Variants in PLCE1 observed in about 807,000 individuals in gnomAD.
PLCE1 encodes 1-phosphatidylinositol 4,5-bisphosphate phosphodiesterase epsilon-1.
PLCE1 carries 119 observed loss-of-function variants against 242.8 expected under a neutral mutation model. The observed-to-expected ratio is 0.49, with a 90% CI of 0.42 to 0.57. The LOEUF is 0.57. PLCE1 is among the 20% of genes least tolerant of loss of function. PLCE1 has a pLI of 0.00. For missense variants in PLCE1, 2,441 were observed against 2,788.8 expected (o/e 0.88, Z 2.81); for synonymous variants, 945 against 1,017.4 (o/e 0.93, Z 1.35).
At chr10:94,080,850 A>T (rs1182395254) in intron 2 of PLCE1, among the ~76,000 whole-genome samples, 1 of 152,244 alleles carries the variant, frequency 6.6e-6, no homozygotes, top group Non-Finnish European at 1.5e-5. Flanking sequence ...ACAAATAGCC[A>T]TGTACCACTG....
chr10:94,136,010 A>G (rs2046760102), intron 3 of PLCE1, among the ~76,000 whole-genome samples: 1 of 152,222 alleles, frequency 6.6e-6, no homozygotes, highest in Admixed American at 6.5e-5. Context: ...GAGGTAGCAC[A>G]AGATTTAAAT....
intron 19 of PLCE1, among the ~76,000 whole-genome samples, chr10:94,275,330 A>T (rs2051903140): frequency 6.6e-6 from 1 of 152,162 alleles, no homozygotes; most frequent in African/African-American, 2.4e-5. Context: ...TCCTGACAGG[A>T]TATGGTTGCT....
chr10:94,318,366 T>G (rs748753925), intron 29 of PLCE1, among the ~76,000 whole-genome samples: 1 of 152,240 alleles, frequency 6.6e-6, no homozygotes, highest in East Asian at 1.9e-4. Context: ...GTAAAAAGTA[T>G]GTATCCTCTA....
chr10:94,324,844 G>A (rs1289956255), intron 31 of PLCE1, 48 bp from the exon 32 acceptor site: 1 of 1,561,176 alleles, frequency 6.4e-7, no homozygotes, highest in Non-Finnish European at 8.8e-7. Flanking sequence ...TGTGACAGAG[G>A]AACCTGAGTT....
At chr10:94,273,029 A>G (rs1021529259) in intron 18 of PLCE1, among the ~76,000 whole-genome samples, 9 of 152,022 alleles carry the variant, frequency 5.9e-5, no homozygotes, top group Non-Finnish European at 1.3e-4. Flanking sequence ...TGGAGTTGAT[A>G]TAAGCATTGT....
intron 2 of PLCE1, among the ~76,000 whole-genome samples, chr10:94,093,934 C>CTTTTTTTTTT (rs398046178): frequency 5.1e-5 from 4 of 79,192 alleles, no homozygotes; most frequent in African/African-American, 1.1e-4. Context: ...ATCGGTATTT[C>CTTTTTTTTTT]TTTTTTTTTT....
chr10:94,218,086 G>T (rs1589366724), intron 4 of PLCE1, among the ~76,000 whole-genome samples: 2 of 152,138 alleles, frequency 1.3e-5, no homozygotes, highest in South Asian at 2.1e-4. Flanking sequence ...TAGCACAAAT[G>T]AAGCAAATGA....
At chr10:94,256,639 C>G (rs1311217106) in intron 11 of PLCE1, among the ~76,000 whole-genome samples, 1 of 152,024 alleles carries the variant, frequency 6.6e-6, no homozygotes, top group Non-Finnish European at 1.5e-5. Flanking sequence ...AGCAAGGAAC[C>G]TGGATTAAAT....
At chr10:94,175,698 C>T (rs1174619296) in intron 4 of PLCE1, among the ~76,000 whole-genome samples, 1 of 151,898 alleles carries the variant, frequency 6.6e-6, no homozygotes, top group Admixed American at 6.6e-5. Flanking sequence ...TTAACTGTCC[C>T]CACTTCCTCC....
intron 5 of PLCE1, among the ~76,000 whole-genome samples, chr10:94,230,807 C>G (rs1249496992): frequency 6.6e-6 from 1 of 151,690 alleles, no homozygotes; most frequent in Non-Finnish European, 1.5e-5. Context: ...TGGAGTCTTT[C>G]TATGTTTCCC....
intron 7 of PLCE1, among the ~76,000 whole-genome samples, chr10:94,238,066 T>G (rs1208408653): frequency 6.6e-6 from 1 of 152,158 alleles, no homozygotes; most frequent in East Asian, 1.9e-4. Context: ...TCACAGCTAC[T>G]CCTGCCAGAA....
chr10:94,301,566 T>C (rs1390664727), intron 24 of PLCE1, among the ~76,000 whole-genome samples: 2 of 152,138 alleles, frequency 1.3e-5, no homozygotes, highest in African/African-American at 4.8e-5. Context: ...TTCCTGGATT[T>C]CAGGGGATTC....
intron 24 of PLCE1, among the ~76,000 whole-genome samples, chr10:94,303,823 G>A (rs1044617099): frequency 1.3e-5 from 2 of 151,948 alleles, no homozygotes; most frequent in Admixed American, 6.6e-5. Context: ...AAAAATGGAT[G>A]GTCGCATCTG....
At chr10:94,311,370 ACT>A (rs1403540822) in intron 27 of PLCE1, among the ~76,000 whole-genome samples, 1 of 151,924 alleles carries the variant, frequency 6.6e-6, no homozygotes, top group Non-Finnish European at 1.5e-5. Flanking sequence ...AACAAAGGAC[ACT>A]CTTATCACTC....
intron 4 of PLCE1, among the ~76,000 whole-genome samples, chr10:94,219,764 G>T (rs1245987295): frequency 5.9e-5 from 9 of 152,174 alleles, no homozygotes; most frequent in African/African-American, 2.2e-4. Flanking sequence ...ATCTGGATAA[G>T]TGGCAGGTAA....
At chr10:94,138,981 GACAA>G (rs2046872307) in intron 3 of PLCE1, 2 of 153,578 alleles carry the variant, frequency 1.3e-5, no homozygotes, top group Admixed American at 1.3e-4. Context: ...CTGTTCCTCT[GACAA>G]ACAAACTGCC....
intron 2 of PLCE1, among the ~76,000 whole-genome samples, chr10:94,117,412 G>T (rs1228240254): frequency 6.6e-6 from 1 of 152,184 alleles, no homozygotes; most frequent in East Asian, 1.9e-4. Flanking sequence ...TACCAGCTCT[G>T]CTGGGAGTGA....
intron 2 of PLCE1, chr10:94,105,829 C>A (rs1250800686): frequency 6.6e-6 from 1 of 152,094 alleles, no homozygotes. Flanking sequence ...ATTAAACAAC[C>A]AAATAGCTCT....
At position 94,270,521 on chromosome 10, in the gene PLCE1, C is replaced by G. The variant is rs1190870060; in HGVS notation, c.4425C>G (p.Ile1475Met). The change falls in exon 18 of 33, where the codon ATC becomes ATG. Residue 1475 changes from isoleucine (I) to methionine (M), a missense_variant. By Grantham distance (10) the Ile-to-Met change is conservative. Transcript: ENST00000371380. ...VVEAIDRSAF[I>M]NSDLPIIISI... ...AAGCCATTGATCGCAGTGCCTTCAT[C>G]AACTCTGACCTGCCAATCATCATAT... 1.9e-6 allele frequency: 3 copies of G among 1,613,806 alleles called. No homozygotes were observed. The Admixed American group carries it at 5.0e-5, about 27-fold the overall frequency.
Sources: gnomAD v4.1 joint callset for allele counts (sites outside exome capture counted in the v4.1 genomes callset) on GRCh38, gnomAD v4.1.1 for gene constraint, MANE v1.5 for transcripts, NCBI Gene and HGNC (gene_info 2026-07-23, HGNC 2026-07-21) for gene names.